The following CDH8 variants were observed in gnomAD, a reference collection of about 807,000 sequenced individuals.
CDH8 encodes cadherin 8.
In CDH8, 17 loss-of-function variants were observed where a neutral mutation model predicts 68.1. The observed-to-expected ratio is 0.25, with a 90% CI of 0.17 to 0.37. The LOEUF (loss-of-function observed/expected upper bound fraction) is 0.37. Ranked by LOEUF, CDH8 falls within the 10% of genes least tolerant of loss-of-function variation. The probability of loss-of-function intolerance (pLI) is 1.00; values close to 1 mark genes in which losing one functional copy is unlikely to be tolerated. For synonymous variants in CDH8, 372 were observed against 365.1 expected (o/e 1.02, Z -0.21); for missense variants, 763 against 999.3 (o/e 0.76, Z 3.19).
chr16:61,779,464 TGCGC>T lies in CDH8; in HGVS notation c.1414+9878_1414+9881del, dbSNP rs370998382. On this transcript the variant is annotated intron_variant, in intron 8 of 11. Coordinates refer to ENST00000577390, the MANE Select transcript of CDH8 (RefSeq NM_001796.5). ...GTGTGTGTGTGTGTGTGTGTGTGTG[TGCGC>T]GCATGGTGAGGGAAACAAGGAAGAA... is the stretch of plus-strand genomic sequence containing the variant. Among the ~76,000 whole-genome samples, 1,327 of 141,536 alleles carry T rather than the reference TGCGC, an allele frequency of 9.4e-3. 12 individuals are homozygous for T. Among genetic ancestry groups the T allele is most frequent in the African/African-American group, 0.031 (1,171 of 37,838 alleles). The allele number at this position is 141,536 out of a possible 152,430, so 92.9% of individuals were successfully genotyped here. A position where few individuals can be genotyped will look rare whatever the true frequency, so the allele number is the denominator to read the frequency against.
intron 2 of CDH8, among the ~76,000 whole-genome samples, chr16:61,989,089 C>T (rs995944609): frequency 6.6e-6 from 1 of 152,110 alleles, no homozygotes; most frequent in African/African-American, 2.4e-5. Context: ...GTGAGACTTG[C>T]AAGAAACTGG....
At chr16:61,670,752 C>T (rs1442210625) in intron 10 of CDH8, among the ~76,000 whole-genome samples, 2 of 151,852 alleles carry the variant, frequency 1.3e-5, no homozygotes, top group Non-Finnish European at 2.9e-5. Context: ...AGCATTGAAC[C>T]CTATATTTAC....
chr16:61,894,435 G>T (rs186534591), intron 3 of CDH8, among the ~76,000 whole-genome samples: 1 of 152,214 alleles, frequency 6.6e-6, no homozygotes, highest in Admixed American at 6.5e-5. Context: ...CTGTGTATTT[G>T]ATATCAATGG....
intron 3 of CDH8, among the ~76,000 whole-genome samples, chr16:61,884,906 C>T (rs77743668): frequency 0.014 from 2,103 of 151,964 alleles, 11 homozygotes; most frequent in African/African-American, 0.015. Flanking sequence ...TGTTCAAGGG[C>T]CAACTGTATG....
At chr16:61,914,016 G>A (rs1421741273) in intron 2 of CDH8, among the ~76,000 whole-genome samples, 1 of 152,060 alleles carries the variant, frequency 6.6e-6, no homozygotes, top group African/African-American at 2.4e-5. Context: ...AGGCTGTTAG[G>A]TTCCTCATCC....
chr16:61,669,096 C>A (rs1963739714), intron 10 of CDH8, among the ~76,000 whole-genome samples: 1 of 151,870 alleles, frequency 6.6e-6, no homozygotes, highest in Admixed American at 6.6e-5. Flanking sequence ...GTCAAATATC[C>A]CTGAACATAA....
intron 9 of CDH8, among the ~76,000 whole-genome samples, chr16:61,715,372 T>G (rs1173768578): frequency 6.6e-6 from 1 of 151,602 alleles, no homozygotes; most frequent in Non-Finnish European, 1.5e-5. Flanking sequence ...TGTGGCTCAT[T>G]GTGTGACATT....
chr16:61,872,370 T>G (rs1406154090), intron 3 of CDH8, among the ~76,000 whole-genome samples: 1 of 152,168 alleles, frequency 6.6e-6, no homozygotes, highest in East Asian at 1.9e-4. Flanking sequence ...ACATGAGACA[T>G]AAATCAATAC....
intron 10 of CDH8, among the ~76,000 whole-genome samples, chr16:61,671,381 T>C (rs1963790997): frequency 6.6e-6 from 1 of 151,704 alleles, no homozygotes; most frequent in Non-Finnish European, 1.5e-5. Context: ...TGCTCTGGAT[T>C]GTGTGGTCCA....
At chr16:61,676,914 A>T (rs138118708) in intron 10 of CDH8, among the ~76,000 whole-genome samples, 1 of 152,150 alleles carries the variant, frequency 6.6e-6, no homozygotes, top group Non-Finnish European at 1.5e-5. Flanking sequence ...GGGTGACGAA[A>T]ATATTCTACA....
chr16:61,756,947 GTTTAGTAA>G (rs1960335404), intron 8 of CDH8, among the ~76,000 whole-genome samples: 1 of 152,148 alleles, frequency 6.6e-6, no homozygotes, highest in Non-Finnish European at 1.5e-5. Context: ...GACCCCTGCA[GTTTAGTAA>G]TTTAGACTCC....
chr16:61,762,809 G>T (rs1960502827), intron 8 of CDH8, among the ~76,000 whole-genome samples: 1 of 152,148 alleles, frequency 6.6e-6, no homozygotes, highest in African/African-American at 2.4e-5. Flanking sequence ...ATGACTACTG[G>T]AGTCAGCATC....
At chr16:61,883,840 T>C (rs1189294076) in intron 3 of CDH8, among the ~76,000 whole-genome samples, 1 of 152,142 alleles carries the variant, frequency 6.6e-6, no homozygotes, top group Non-Finnish European at 1.5e-5. Context: ...TATCTGTTAT[T>C]GCAGGTATTC....
At chr16:61,768,311 C>CT (rs1567461041) in intron 8 of CDH8, among the ~76,000 whole-genome samples, 76 of 16,346 alleles carry the variant, frequency 4.6e-3, no homozygotes, top group South Asian at 5.6e-3. Context: ...TGTGTCTCTC[C>CT]CTTTCTCTCT....
chr16:61,961,713 A>C (rs966670376), intron 2 of CDH8, among the ~76,000 whole-genome samples: 1 of 152,262 alleles, frequency 6.6e-6, no homozygotes, highest in African/African-American at 2.4e-5. Flanking sequence ...ACATTAAAAG[A>C]AAAATGTTAG....
At chr16:61,874,866 A>G (rs1963433107) in intron 3 of CDH8, among the ~76,000 whole-genome samples, 1 of 152,206 alleles carries the variant, frequency 6.6e-6, no homozygotes, top group Non-Finnish European at 1.5e-5. Flanking sequence ...CCTAATAGAT[A>G]CAGAGAGGTT....
chr16:61,823,831 C>A (rs1303649003), intron 5 of CDH8, among the ~76,000 whole-genome samples: 1 of 151,916 alleles, frequency 6.6e-6, no homozygotes, highest in Non-Finnish European at 1.5e-5. Context: ...GCTCCAGCTG[C>A]AGTGAAATTA....
At chr16:61,905,022 G>A (rs1964039747) in intron 2 of CDH8, among the ~76,000 whole-genome samples, 1 of 152,206 alleles carries the variant, frequency 6.6e-6, no homozygotes, top group African/African-American at 2.4e-5. Context: ...GATGATCGGA[G>A]GTGGATTCGT....
chr16:61,813,969 T>G (rs1007448266), intron 7 of CDH8, among the ~76,000 whole-genome samples: 2 of 152,220 alleles, frequency 1.3e-5, no homozygotes, highest in African/African-American at 2.4e-5. Context: ...AACACAATTC[T>G]GCACACAGCC....
Sources: gnomAD v4.1 joint callset for allele counts (sites outside exome capture counted in the v4.1 genomes callset) on GRCh38, gnomAD v4.1.1 for gene constraint, MANE v1.5 for transcripts, NCBI Gene and HGNC (gene_info 2026-07-23, HGNC 2026-07-21) for gene names.